LRRC37B: variants seen among roughly 807,000 people sequenced by gnomAD.
The protein encoded by LRRC37B is leucine-rich repeat-containing protein 37B.
Under a neutral mutation model 98.3 loss-of-function variants are expected in LRRC37B, and 28 were observed. The observed-to-expected ratio is 0.28, with a 90% confidence interval of 0.21 to 0.39. LRRC37B has a LOEUF of 0.39. LRRC37B is among the 10% of genes least tolerant of loss of function. The pLI is 1.00. For missense variants in LRRC37B, 938 were observed against 1,182.7 expected, an observed-to-expected ratio of 0.79 and a Z score of 3.03; for synonymous variants, 364 against 442.7, an observed-to-expected ratio of 0.82 and a Z score of 2.23.
intron 1 of LRRC37B, among the ~76,000 whole-genome samples, chr17:32,012,067 A>G (rs1910537172): frequency 1.3e-5 from 2 of 152,122 alleles, no homozygotes; most frequent in South Asian, 4.1e-4. Context: ...GGCCTGAAAC[A>G]TTTTTTAGGT....
exon 1 of LRRC37B, chr17:32,021,818 T>C (rs749732623): frequency 1.2e-6 from 2 of 1,614,172 alleles, no homozygotes; most frequent in Admixed American, 3.3e-5. Context: ...CTTTGCCAGA[T>C]GATTATTTGA....
intron 2 of LRRC37B, 135 bp downstream of exon 5, chr17:32,024,917 A>G: frequency 8.8e-7 from 1 of 1,138,894 alleles, no homozygotes; most frequent in Non-Finnish European, 1.2e-6. Flanking sequence ...TGTGGATTGC[A>G]ATCCTATGGT....
intron 7 of LRRC37B, among the ~76,000 whole-genome samples, chr17:32,037,620 G>A (rs1911283700): frequency 6.6e-6 from 1 of 152,196 alleles, no homozygotes; most frequent in African/African-American, 2.4e-5. Flanking sequence ...CCTTTCTACT[G>A]CTAGATGTGT....
chr17:32,041,928 C>G (rs1304782065), intron 7 of LRRC37B: 1 of 427,312 alleles, frequency 2.3e-6, no homozygotes, highest in African/African-American at 2.0e-5. Flanking sequence ...CCCTCGAGTT[C>G]CACGGCCTTA....
At chr17:32,020,605 C>T, upstream of LRRC37B, 1 of 508,228 alleles carries the variant, frequency 2.0e-6, no homozygotes. Context: ...AATTATCAAA[C>T]ATGCGACAGT....
intron 2 of LRRC37B, among the ~76,000 whole-genome samples, chr17:32,027,230 A>T (rs549752798): frequency 1.8e-4 from 27 of 152,262 alleles, no homozygotes; most frequent in African/African-American, 6.3e-4. Context: ...TCTTGGTGCC[A>T]CCCAGAGATG....
intron 10 of LRRC37B, 59 bp from the exon 14 acceptor site, chr17:32,049,944 T>A: frequency 9.4e-7 from 1 of 1,064,062 alleles, no homozygotes; most frequent in African/African-American, 1.6e-5. Context: ...TAGCTTCCAT[T>A]CTCTCTCTCT....
chr17:32,014,706 A>G (rs1307352923), intron 1 of LRRC37B, among the ~76,000 whole-genome samples: 1 of 147,748 alleles, frequency 6.8e-6, no homozygotes, highest in African/African-American at 2.7e-5. Flanking sequence ...GTAGATATAG[A>G]TAGATAGATA....
chr17:32,034,275 G>A (rs1404611610), intron 5 of LRRC37B, among the ~76,000 whole-genome samples: 1 of 152,074 alleles, frequency 6.6e-6, no homozygotes, highest in Non-Finnish European at 1.5e-5. Context: ...GCCGAGGGGG[G>A]TGGATCACCT....
At chr17:32,022,500 G>C in exon 1 of LRRC37B, 2 of 1,613,304 alleles carry the variant, frequency 1.2e-6, no homozygotes, top group Non-Finnish European at 1.7e-6. Context: ...CCCGGGGCTT[G>C]CCATAACTCC....
intron 1 of LRRC37B, among the ~76,000 whole-genome samples, chr17:32,012,545 C>T (rs1273596438): frequency 4.0e-5 from 6 of 150,720 alleles, no homozygotes; most frequent in South Asian, 2.1e-4. Flanking sequence ...GGCGAAACCC[C>T]GTCTCTACTA....
exon 1 of LRRC37B, chr17:32,022,691 C>T: frequency 6.2e-7 from 1 of 1,614,028 alleles, no homozygotes; most frequent in East Asian, 2.2e-5. Context: ...AGAAGGCCTC[C>T]ACAAGCACCA....
chr17:32,015,637 G>T (rs1910632752), intron 1 of LRRC37B, among the ~76,000 whole-genome samples: 1 of 152,124 alleles, frequency 6.6e-6, no homozygotes, highest in South Asian at 2.1e-4. Flanking sequence ...AAATGTATGG[G>T]TCAACTCGGA....
chr17:32,049,240 A>G (rs777546887), exon 10 of LRRC37B: 5 of 1,613,274 alleles, frequency 3.1e-6, no homozygotes, highest in Non-Finnish European at 4.2e-6. Flanking sequence ...AGCTGTGCCA[A>G]GCTCATGTTG....
At chr17:32,032,313 G>A (rs931684117) in intron 5 of LRRC37B, among the ~76,000 whole-genome samples, 40 of 151,766 alleles carry the variant, frequency 2.6e-4, no homozygotes, top group Non-Finnish European at 5.0e-4. Context: ...AAGTGCTGGG[G>A]TTACAGGCGT....
At chr17:32,030,162 A>C (rs1911072636) in intron 3 of LRRC37B, among the ~76,000 whole-genome samples, 1 of 152,084 alleles carries the variant, frequency 6.6e-6, no homozygotes, top group Non-Finnish European at 1.5e-5. Context: ...AATTGTATTA[A>C]TATGATTTGA....
upstream of LRRC37B, chr17:32,007,906 C>A (rs1910447189): frequency 1.3e-6 from 1 of 780,984 alleles, no homozygotes; most frequent in Non-Finnish European, 1.7e-6. The surrounding 1 kb of genome is among the most constrained non-coding windows in gnomAD (Gnocchi z 4.1). Context: ...TAGCCCGGAC[C>A]ACCGCAGCCC....
Position 32,035,849 on chromosome 17 carries a change from C to G in LRRC37B, c.2204+210C>G, listed in dbSNP as rs77851869. 2,778 of 463,454 alleles carry G rather than the reference C, an allele frequency of 6.0e-3. 54 individuals carry two copies. Among genetic ancestry groups the G allele is most frequent in the African/African-American group, 0.044 (2,144 of 48,528 alleles). 28.7% of individuals were successfully genotyped at this position (463,454 alleles called of 1,614,324 possible). A position where few individuals can be genotyped will look rare whatever the true frequency, so the allele number is the denominator to read the frequency against. The stretch of plus-strand genomic sequence containing the variant: ...CATTTCTGTCACCTCAGAAAGGCCC[C>G]TCATTTCCCTTTGTAGGCAATCCCT... On this transcript the variant is annotated intron_variant, in intron 7 of 11. Coordinates refer to ENST00000327564, the Ensembl canonical transcript of LRRC37B.
At chr17:32,022,268 C>G (rs528042206) in exon 1 of LRRC37B, 1 of 1,613,922 alleles carries the variant, frequency 6.2e-7, no homozygotes, top group Admixed American at 1.7e-5. Context: ...TTCAGCCTCC[C>G]GAGGAGGCGG....
Sources: allele counts gnomAD v4.1 joint callset (sites outside exome capture counted in the v4.1 genomes callset), GRCh38; gene constraint gnomAD v4.1.1; non-coding constraint Gnocchi (gnomAD v3.1); transcripts MANE v1.5; gene names NCBI Gene and HGNC (gene_info 2026-07-23, HGNC 2026-07-21).